Variants in MYOCD observed in about 807,000 individuals in gnomAD.
The protein encoded by MYOCD is myocardin.
In MYOCD, 32 loss-of-function variants were observed where a neutral mutation model predicts 96.1. The ratio of observed to expected loss-of-function variants is 0.33; its 90% CI spans 0.25 to 0.45. The LOEUF is 0.45. Among genes scored for constraint, MYOCD ranks in the 20% least tolerant of loss-of-function variants. The pLI is 1.00. For missense variants in MYOCD, 1,133 were observed against 1,200.6 expected (o/e 0.94, Z 0.83); for synonymous variants, 469 against 469.0 (o/e 1.00, Z 0.00).
rs773761570 is a variant in MYOCD, at chr17:12,753,150, C to G, written c.1862C>G (p.Thr621Ser). 6.2e-7 allele frequency: 1 copy of G among 1,614,190 alleles called. No individual in the cohort carries two copies. The highest frequency in any genetic ancestry group is 1.1e-5 in the South Asian group (1 of 91,084). Residue 621 changes from threonine to serine, a missense_variant, in exon 10 of 14, where the codon ACC (threonine) becomes AGC (serine). By Grantham distance (58) the Thr-to-Ser change is moderately conservative. Coordinates refer to ENST00000425538, the MANE Select transcript of MYOCD (RefSeq NM_001146312.3). The stretch of plus-strand genomic sequence containing the variant: ...CATTGTGTGGAGTCCTCAGATCAAA[C>G]CAATGTACTTTCTTCCACATTTCTC... ...NAHCVESSDQ[T>S]NVLSSTFLSP...
At chr17:12,747,516 G>A (rs1465747700) in intron 9 of MYOCD, among the ~76,000 whole-genome samples, 1 of 152,060 alleles carries the variant, frequency 6.6e-6, no homozygotes. Flanking sequence ...TCTTGTCAGG[G>A]GTGGGAAAAG....
chr17:12,686,211 G>A (rs1179752717), intron 1 of MYOCD, among the ~76,000 whole-genome samples: 1 of 152,210 alleles, frequency 6.6e-6, no homozygotes, highest in African/African-American at 2.4e-5. Flanking sequence ...GGTCAAAAAT[G>A]AAGCCAAGTG....
chr17:12,746,415 G>A (rs947667368), intron 9 of MYOCD, among the ~76,000 whole-genome samples: 3 of 152,178 alleles, frequency 2.0e-5, no homozygotes, highest in East Asian at 1.9e-4. Context: ...GCAAGAAAGG[G>A]CAAGAGCCCT....
At chr17:12,754,544 C>T (rs944955043) in intron 10 of MYOCD, among the ~76,000 whole-genome samples, 2 of 152,196 alleles carry the variant, frequency 1.3e-5, no homozygotes, top group African/African-American at 4.8e-5. Flanking sequence ...GAGGTTGGAA[C>T]TTGTAGGGAC....
intron 5 of MYOCD, among the ~76,000 whole-genome samples, chr17:12,729,231 A>G (rs1395333101): frequency 1.3e-5 from 2 of 152,226 alleles, no homozygotes; most frequent in African/African-American, 4.8e-5. Context: ...CCCTTGGGGT[A>G]AAGAAACACA....
intron 7 of MYOCD, among the ~76,000 whole-genome samples, chr17:12,743,150 A>C (rs1186300356): frequency 6.6e-6 from 1 of 152,106 alleles, no homozygotes; most frequent in East Asian, 1.9e-4. Flanking sequence ...TATACCCTTA[A>C]CTTCCTGATT....
chr17:12,702,698 C>T (rs2031127988), intron 1 of MYOCD, among the ~76,000 whole-genome samples: 1 of 151,398 alleles, frequency 6.6e-6, no homozygotes, highest in Non-Finnish European at 1.5e-5. Context: ...TTTTTAGTTA[C>T]ACCCTTTGTG....
Position 12,763,267 on chromosome 17 carries a change from C to T in MYOCD, c.2584C>T (p.Gln862Ter). ...GCATCTTGAAGTCTTATTAAATTCC[C>T]AGAGCCCCCTAGGAAAGATGAGTGA... ...DEHLEVLLNS[Q>*]SPLGKMSDVT... The change falls in exon 14 of 14, where the codon CAG (glutamine) becomes TAG (stop). Residue 862 changes from glutamine to a stop codon, truncating the protein, a stop_gained. Coordinates refer to ENST00000425538, the MANE Select transcript of MYOCD (RefSeq NM_001146312.3). LOFTEE classifies it high-confidence loss of function. The T allele has an allele frequency of 6.2e-7, 1 of 1,613,646 alleles. No individual in the cohort carries two copies. The highest frequency in any genetic ancestry group is 8.5e-7 in the Non-Finnish European group (1 of 1,179,790).
intron 5 of MYOCD, among the ~76,000 whole-genome samples, chr17:12,734,382 C>A (rs950337399): frequency 6.6e-6 from 1 of 151,870 alleles, no homozygotes; most frequent in South Asian, 2.1e-4. Context: ...GCCCGGGGCA[C>A]GTGCCATGTG....
chr17:12,754,866 T>G (rs1049538515), intron 10 of MYOCD, among the ~76,000 whole-genome samples: 1 of 152,214 alleles, frequency 6.6e-6, no homozygotes, highest in Non-Finnish European at 1.5e-5. Flanking sequence ...AAGAAACCTA[T>G]GAGCTCCAAT....
At chr17:12,690,364 G>A (rs185282750) in intron 1 of MYOCD, among the ~76,000 whole-genome samples, 1 of 152,176 alleles carries the variant, frequency 6.6e-6, no homozygotes, top group Non-Finnish European at 1.5e-5. Flanking sequence ...TTGTTAATAA[G>A]GTCGTAGTGA....
chr17:12,705,527 A>T, intron 2 of MYOCD: 1 of 188,948 alleles, frequency 5.3e-6, no homozygotes, highest in Non-Finnish European at 1.1e-5. Flanking sequence ...CATCAATTAC[A>T]TCATCTTTTT....
intron 1 of MYOCD, among the ~76,000 whole-genome samples, chr17:12,688,304 C>G (rs2030235024): frequency 6.6e-6 from 1 of 152,208 alleles, no homozygotes; most frequent in Non-Finnish European, 1.5e-5. Context: ...GAACAGATCG[C>G]TTATAGGAAT....
intron 7 of MYOCD, 105 bp downstream of exon 7, chr17:12,739,433 C>A (rs756770270): frequency 3.8e-6 from 5 of 1,322,794 alleles, no homozygotes; most frequent in African/African-American, 3.0e-5. Flanking sequence ...GAGAGTTACA[C>A]GGAGGACCCA....
At chr17:12,710,265 G>A (rs1291295621) in intron 2 of MYOCD, among the ~76,000 whole-genome samples, 1 of 152,102 alleles carries the variant, frequency 6.6e-6, no homozygotes, top group South Asian at 2.1e-4. Context: ...GATGAAAGAA[G>A]GTTTAATTTA....
chr17:12,760,703 C>T lies in MYOCD; in HGVS notation c.2385C>T (p.Ser795=), dbSNP rs541367559. The T allele has an allele frequency of 1.7e-5, 27 of 1,613,410 alleles. No homozygotes were observed. Among genetic ancestry groups the T allele is most frequent in the East Asian group, 1.6e-4 (7 of 44,874 alleles). ...AACTCCTGGACGTGCTTATTGAAAG[C>T]GGAGGTAAGACTGCCTGTGTCCTGT... The part of the protein sequence containing the change: ...MDELLDVLIE[S]GEMPADARED... The change falls in exon 13 of 14, where the codon AGC becomes AGT. Residue 795 remains serine, a synonymous_variant. Coordinates refer to ENST00000425538, the MANE Select transcript of MYOCD (RefSeq NM_001146312.3).
intron 2 of MYOCD, among the ~76,000 whole-genome samples, chr17:12,711,984 C>T (rs1208692210): frequency 4.1e-5 from 6 of 145,966 alleles, no homozygotes; most frequent in East Asian, 2.0e-4. Context: ...AATGCAGTGG[C>T]GCGATCTTGG....
chr17:12,666,346 C>A (rs1003256566), intron 1 of MYOCD, 103 bp downstream of exon 1: 3 of 894,382 alleles, frequency 3.4e-6, no homozygotes, highest in Non-Finnish European at 5.4e-6. Context: ...GCCAGGTCTA[C>A]CTCAACTTTG....
chr17:12,752,995 C>A lies in MYOCD; in HGVS notation c.1707C>A (p.Ser569=), dbSNP rs764361659. 6.2e-7 allele frequency: 1 copy of A among 1,614,172 alleles called. No homozygotes were observed. Among genetic ancestry groups the A allele is most frequent in the Admixed American group, 1.7e-5 (1 of 60,016 alleles). The change falls in exon 10 of 14, where the codon TCC becomes TCA. Residue 569 remains serine, a synonymous_variant. Transcript: ENST00000425538. ...EKKPLPFLAA[S]IKQEEAVSSC... ...AGCCGCTGCCTTTCCTGGCTGCCTC[C>A]ATCAAGCAGGAAGAGGCTGTCTCCA...
Sources: gnomAD v4.1 joint callset for allele counts (sites outside exome capture counted in the v4.1 genomes callset) on GRCh38, gnomAD v4.1.1 for gene constraint, MANE v1.5 for transcripts, NCBI Gene and HGNC (gene_info 2026-07-23, HGNC 2026-07-21) for gene names.